AP3B1: variants seen among roughly 807,000 people sequenced by gnomAD.
AP3B1 encodes adaptor related protein complex 3 subunit beta 1.
In AP3B1, 61 loss-of-function variants were observed where a neutral mutation model predicts 132.5. That is an observed-to-expected ratio of 0.46 (90% confidence interval 0.37 to 0.57). The LOEUF is 0.57. Ranked by LOEUF, AP3B1 falls within the 20% of genes least tolerant of loss-of-function variation. The pLI is 0.00. For synonymous variants in AP3B1, 388 were observed against 438.3 expected (o/e 0.89, Z 1.43); for missense variants, 1,120 against 1,289.4 (o/e 0.87, Z 2.01).
intron 17 of AP3B1, among the ~76,000 whole-genome samples, chr5:78,118,721 T>C (rs1751991300): frequency 6.6e-6 from 1 of 152,248 alleles, no homozygotes; most frequent in Non-Finnish European, 1.5e-5. Context: ...GAGGCCTGCC[T>C]GCCTCTGTAG....
At position 78,181,611 on chromosome 5, in the gene AP3B1, GATC is replaced by G; in HGVS notation, c.835_837del (p.Asp279del). On this transcript the variant is annotated inframe_deletion, in exon 8 of 27. Transcript: ENST00000255194. Reference sequence around the variant, plus strand: ...TTCTTTTTGTCAGTCTTTTCCTTCTGATCATCATCAGATTCGTAGAAATTCTTT... The same window carrying G: ...TTCTTTTTGTCAGTCTTTTCCTTCTGATCATCAGATTCGTAGAAATTCTTT... 2 of 1,612,132 alleles carry G rather than the reference GATC, an allele frequency of 1.2e-6. No individual in the cohort carries two copies. Among genetic ancestry groups the G allele is most frequent in the Non-Finnish European group, 1.7e-6 (2 of 1,179,228 alleles).
chr5:78,062,205 GTAGT>G (rs1749089142), intron 22 of AP3B1, among the ~76,000 whole-genome samples: 1 of 152,162 alleles, frequency 6.6e-6, no homozygotes, highest in South Asian at 2.1e-4. Context: ...TGTGGACAGG[GTAGT>G]TAGATGTGGT....
intron 7 of AP3B1, among the ~76,000 whole-genome samples, chr5:78,215,066 G>A (rs1745901089): frequency 6.6e-6 from 1 of 152,046 alleles, no homozygotes; most frequent in African/African-American, 2.4e-5. Flanking sequence ...CAAGCTTGAT[G>A]TGTCATTTAA....
rs1338094920 is a variant in AP3B1, at chr5:78,096,855, C to T, written c.2470+4098G>A. Among the ~76,000 whole-genome samples, 14 of 150,742 alleles carry T rather than the reference C, an allele frequency of 9.3e-5. 1 individual carries two copies. The South Asian group carries it at 2.9e-3, about 31-fold the overall frequency. ...GGAGGGAGGGGGGGCTCAGCCCCCG[C>T]CAGGCCAGCCGCCCCGTCCGGGAGG... On this transcript the variant is annotated intron_variant, in intron 21 of 26. Transcript: ENST00000255194.
At chr5:78,269,108 T>C (rs1748448175) in intron 1 of AP3B1, among the ~76,000 whole-genome samples, 1 of 152,224 alleles carries the variant, frequency 6.6e-6, no homozygotes, top group Non-Finnish European at 1.5e-5. Context: ...AGTTAACATG[T>C]ATTACTGCAT....
intron 24 of AP3B1, among the ~76,000 whole-genome samples, chr5:78,022,287 A>G (rs910363754): frequency 2.0e-5 from 3 of 152,120 alleles, no homozygotes; most frequent in Non-Finnish European, 4.4e-5. Flanking sequence ...AGCGGGAGGG[A>G]AAGAAATTAC....
intron 7 of AP3B1, among the ~76,000 whole-genome samples, chr5:78,199,299 T>G (rs1745196990): frequency 6.6e-6 from 1 of 152,240 alleles, no homozygotes; most frequent in African/African-American, 2.4e-5. Context: ...ATAAAGCATT[T>G]TTCAAATTTT....
At chr5:78,206,044 G>A (rs549213247) in intron 7 of AP3B1, among the ~76,000 whole-genome samples, 15 of 151,930 alleles carry the variant, frequency 9.9e-5, no homozygotes, top group African/African-American at 3.4e-4. Context: ...ACAAAGGTCA[G>A]TATGAGCTGA....
At chr5:78,183,558 G>A (rs1744460490) in intron 7 of AP3B1, among the ~76,000 whole-genome samples, 1 of 152,130 alleles carries the variant, frequency 6.6e-6, no homozygotes, top group South Asian at 2.1e-4. Context: ...TACAGAAATA[G>A]AAGGTTTTAG....
At chr5:78,062,592 T>C (rs1453462354) in intron 22 of AP3B1, among the ~76,000 whole-genome samples, 1 of 152,200 alleles carries the variant, frequency 6.6e-6, no homozygotes, top group Non-Finnish European at 1.5e-5. Context: ...GCAGTGAATT[T>C]AGTCATAAGC....
intron 22 of AP3B1, among the ~76,000 whole-genome samples, chr5:78,079,662 T>C (rs1319172838): frequency 2.0e-5 from 3 of 152,210 alleles, no homozygotes; most frequent in East Asian, 1.9e-4. Context: ...CTTTGGATTT[T>C]AGTATATATT....
chr5:78,225,828 A>G (rs1214020201), intron 5 of AP3B1, among the ~76,000 whole-genome samples: 1 of 151,424 alleles, frequency 6.6e-6, no homozygotes, highest in Admixed American at 6.6e-5. Flanking sequence ...CCAGATATCA[A>G]TGGTTTAGTT....
At chr5:78,144,582 A>G (rs1753304084) in intron 14 of AP3B1, among the ~76,000 whole-genome samples, 1 of 152,064 alleles carries the variant, frequency 6.6e-6, no homozygotes, top group African/African-American at 2.4e-5. Context: ...AATACTCTGT[A>G]TCTGGACTCA....
At chr5:78,193,732 G>GTGTATATATATATA (rs1340871803) in intron 7 of AP3B1, among the ~76,000 whole-genome samples, 61 of 89,014 alleles carry the variant, frequency 6.9e-4, no homozygotes, top group South Asian at 2.1e-3. Flanking sequence ...TTAAATATTT[G>GTGTATATATATATA]TATATATTTT....
Position 78,129,122 on chromosome 5 carries a change from T to A in AP3B1, c.1836A>T (p.Lys612Asn), listed in dbSNP as rs1752586022. 6.2e-7 allele frequency: 1 copy of A among 1,611,574 alleles called. No individual in the cohort carries two copies. Among genetic ancestry groups the A allele is most frequent in the Non-Finnish European group, 8.5e-7 (1 of 1,178,740 alleles). ...KPAPLLESPF[K>N]DRDHFQLGTL... is the part of the protein sequence containing the mutation. Reference sequence around the variant, plus strand: ...TTTGGAGTTATATTCTGATAATACCTTTAAAAGGAGACTCAAGCAGTGGTG... The same window carrying A: ...TTTGGAGTTATATTCTGATAATACCATTAAAAGGAGACTCAAGCAGTGGTG... The change falls in exon 16 of 27, where the codon AAA becomes AAT. Residue 612 changes from lysine to asparagine, a missense_variant and splice_region_variant. Around this residue, in one of 3 missense-constraint regions of AP3B1, gnomAD observed 906 missense variants for 997.1 expected, o/e 0.91. Transcript: ENST00000255194.
intron 22 of AP3B1, among the ~76,000 whole-genome samples, chr5:78,072,689 A>G (rs1451647040): frequency 7.1e-6 from 1 of 140,536 alleles, no homozygotes; most frequent in Non-Finnish European, 1.5e-5. Flanking sequence ...GAATGATTTG[A>G]GTAACAATGT....
At chr5:78,162,712 A>G (rs895097476) in intron 13 of AP3B1, 107 bp downstream of exon 13, 24 of 1,222,250 alleles carry the variant, frequency 2.0e-5, no homozygotes, top group African/African-American at 3.0e-5. Flanking sequence ...CTACTGATAT[A>G]ACTGGAAAAG....
At chr5:78,110,666 T>C (rs1039132520) in intron 19 of AP3B1, among the ~76,000 whole-genome samples, 3 of 151,112 alleles carry the variant, frequency 2.0e-5, no homozygotes, top group African/African-American at 7.3e-5. Context: ...TTTAAAACGC[T>C]ATCTCAAAAT....
chr5:78,085,593 A>T (rs988672507), intron 22 of AP3B1, among the ~76,000 whole-genome samples: 6 of 152,172 alleles, frequency 3.9e-5, no homozygotes, highest in African/African-American at 1.4e-4. Context: ...GTTATACCAT[A>T]AATTAATTTT....
Sources: allele counts gnomAD v4.1 joint callset (sites outside exome capture counted in the v4.1 genomes callset), GRCh38; gene constraint gnomAD v4.1.1; regional missense constraint gnomAD v4.1.1; transcripts MANE v1.5; gene names NCBI Gene and HGNC (gene_info 2026-07-23, HGNC 2026-07-21).